Variants in TFCP2 observed in about 807,000 individuals in gnomAD.
TFCP2 encodes the protein transcription factor CP2.
TFCP2 carries 33 observed loss-of-function variants against 73.4 expected under a neutral mutation model. The observed-to-expected ratio is 0.45, with a 90% confidence interval of 0.34 to 0.60. The LOEUF (loss-of-function observed/expected upper bound fraction) is 0.60, where lower values mean the gene tolerates loss of function less well. Ranked by LOEUF, TFCP2 falls within the 20% of genes least tolerant of loss-of-function variation. The pLI, the probability that TFCP2 is intolerant of heterozygous loss-of-function variation, is 0.01. For missense variants in TFCP2, 352 were observed against 604.0 expected, an observed-to-expected ratio of 0.58 and a Z score of 4.37; for synonymous variants, 193 against 211.6, an observed-to-expected ratio of 0.91 and a Z score of 0.76.
intron 1 of TFCP2, among the ~76,000 whole-genome samples, chr12:51,135,776 A>C (rs138332689): frequency 3.5e-4 from 53 of 152,084 alleles, no homozygotes; most frequent in Admixed American, 8.5e-4. Context: ...GCAAGACTTG[A>C]CTTTACAGAG....
At chr12:51,141,085 A>T (rs913727491) in intron 1 of TFCP2, among the ~76,000 whole-genome samples, 5 of 113,542 alleles carry the variant, frequency 4.4e-5, no homozygotes, top group African/African-American at 1.6e-4. Context: ...ATAATAATAA[A>T]AAAATAATAT....
chr12:51,095,271 G>A lies in TFCP2; in HGVS notation c.1479C>T (p.Thr493=). Residue 493 remains threonine, a synonymous_variant, in exon 15 of 15, where the codon ACC becomes ACT. Transcript: ENST00000257915. The part of the protein sequence containing the change: ...CFILDTMKAE[T]NDSYHIILK The stretch of plus-strand genomic sequence containing the variant: ...TCAGTATGATATGATAGCTATCATT[G>A]GTTTCTGCTGTTAAAAAAAAGAGAG... The A allele has an allele frequency of 1.2e-6, 2 of 1,613,810 alleles. No homozygotes were observed. Among genetic ancestry groups the A allele is most frequent in the South Asian group, 2.2e-5 (2 of 91,064 alleles).
intron 1 of TFCP2, among the ~76,000 whole-genome samples, chr12:51,153,228 T>C (rs1435796125): frequency 6.6e-6 from 1 of 151,950 alleles, no homozygotes; most frequent in Non-Finnish European, 1.5e-5. Context: ...TTTAAAAAAT[T>C]AGCTAGGTGT....
intron 1 of TFCP2, chr12:51,125,339 T>C (rs1940787605): frequency 5.9e-6 from 3 of 505,440 alleles, no homozygotes; most frequent in Non-Finnish European, 1.2e-5. Flanking sequence ...TAAGGCAGAG[T>C]TCACAGGTCT....
chr12:51,133,248 T>A (rs925036807), intron 1 of TFCP2, among the ~76,000 whole-genome samples: 8 of 151,936 alleles, frequency 5.3e-5, no homozygotes, highest in Admixed American at 5.2e-4. Context: ...AATTACCCTT[T>A]AAAACAAGTT....
chr12:51,141,636 A>G (rs767059806), intron 1 of TFCP2, among the ~76,000 whole-genome samples: 82 of 152,086 alleles, frequency 5.4e-4, no homozygotes, highest in Non-Finnish European at 1.0e-3. Flanking sequence ...AGGGTGGCTC[A>G]CACTTGTAAT....
At chr12:51,129,874 C>T (rs1486786404) in intron 1 of TFCP2, among the ~76,000 whole-genome samples, 1 of 149,896 alleles carries the variant, frequency 6.7e-6, no homozygotes, top group Non-Finnish European at 1.5e-5. Flanking sequence ...TGGGGCCAGG[C>T]ACAGTGGCTC....
chr12:51,162,860 T>G (rs1454709460), intron 1 of TFCP2: 1 of 152,206 alleles, frequency 6.6e-6, no homozygotes, highest in African/African-American at 2.4e-5. Context: ...TCCCTAATGA[T>G]TTCCTCTTTT....
At chr12:51,161,560 AT>A (rs1461490742) in intron 1 of TFCP2, among the ~76,000 whole-genome samples, 2 of 151,642 alleles carry the variant, frequency 1.3e-5, no homozygotes, top group East Asian at 3.9e-4. Context: ...CATGCCTGTA[AT>A]CCCAGCTATT....
At chr12:51,099,044 G>T in intron 12 of TFCP2, 126 bp from the exon 13 acceptor site, 1 of 1,047,032 alleles carries the variant, frequency 9.6e-7, no homozygotes, top group Non-Finnish European at 1.4e-6. Flanking sequence ...TCAAATCCTG[G>T]CTCAACCACT....
At chr12:51,112,171 T>A (rs752392339) in intron 4 of TFCP2, among the ~76,000 whole-genome samples, 1 of 152,006 alleles carries the variant, frequency 6.6e-6, no homozygotes, top group East Asian at 1.9e-4. Flanking sequence ...AACAAAAAAA[T>A]CATTTTTAAA....
intron 6 of TFCP2, among the ~76,000 whole-genome samples, chr12:51,108,208 C>T (rs555709797): frequency 6.6e-6 from 1 of 151,756 alleles, no homozygotes; most frequent in East Asian, 2.0e-4. Flanking sequence ...ACAGCTTGAA[C>T]CCAGGAGACG....
chr12:51,155,202 GC>G (rs1240978275), intron 1 of TFCP2, among the ~76,000 whole-genome samples: 5 of 152,176 alleles, frequency 3.3e-5, no homozygotes, highest in Non-Finnish European at 7.3e-5. Flanking sequence ...CAGGCCTTCA[GC>G]CTCGGTCTGA....
chr12:51,160,068 C>T (rs1234727702), intron 1 of TFCP2, among the ~76,000 whole-genome samples: 1 of 151,530 alleles, frequency 6.6e-6, no homozygotes. Flanking sequence ...CAACTGTTAT[C>T]TTGGTGGTGG....
At chr12:51,134,689 A>T (rs2137007416) in intron 1 of TFCP2, among the ~76,000 whole-genome samples, 3 of 152,362 alleles carry the variant, frequency 2.0e-5, no homozygotes, top group Middle Eastern at 6.8e-3. Context: ...TGTACCAATT[A>T]AATCAAGTTT....
chr12:51,118,898 C>G (rs762612689), intron 1 of TFCP2, 126 bp from the exon 2 acceptor site: 1 of 1,077,394 alleles, frequency 9.3e-7, no homozygotes, highest in Non-Finnish European at 1.4e-6. Flanking sequence ...GAGTTTCATC[C>G]CAAGAATTCC....
chr12:51,151,833 G>T (rs904334890), intron 1 of TFCP2, among the ~76,000 whole-genome samples: 21 of 152,278 alleles, frequency 1.4e-4, no homozygotes, highest in African/African-American at 5.1e-4. Flanking sequence ...TATAGTGATA[G>T]AAGATTACAT....
At chr12:51,124,524 G>A (rs1940754206) in intron 1 of TFCP2, 1 of 410,972 alleles carries the variant, frequency 2.4e-6, no homozygotes, top group African/African-American at 2.1e-5. Flanking sequence ...GTAAGGCAGT[G>A]TTAAGAATCA....
At chr12:51,110,079 G>C (rs899548121) in intron 5 of TFCP2, among the ~76,000 whole-genome samples, 11 of 152,062 alleles carry the variant, frequency 7.2e-5, no homozygotes, top group African/African-American at 2.4e-4. Flanking sequence ...ATAGCTGAAA[G>C]TCTTAAAATC....
Sources: gnomAD v4.1 joint callset for allele counts (sites outside exome capture counted in the v4.1 genomes callset) on GRCh38, gnomAD v4.1.1 for gene constraint, MANE v1.5 for transcripts, NCBI Gene and HGNC (gene_info 2026-07-23, HGNC 2026-07-21) for gene names.